Variants in NPHP1 observed in about 807,000 individuals in gnomAD.
NPHP1 encodes nephrocystin 1.
Under a neutral mutation model 90.4 loss-of-function variants are expected in NPHP1, and 70 were observed. The ratio of observed to expected loss-of-function variants is 0.77; its 90% CI spans 0.64 to 0.95. The LOEUF (loss-of-function observed/expected upper bound fraction) is 0.95. NPHP1 is among the 40% of genes least tolerant of loss of function. The pLI is 0.00. For synonymous variants in NPHP1, 256 were observed against 271.7 expected, an observed-to-expected ratio of 0.94 and a Z score of 0.57; for missense variants, 764 against 795.9, an observed-to-expected ratio of 0.96 and a Z score of 0.48.
At chr2:110,146,936 T>C (rs1681097934) in intron 13 of NPHP1, 101 bp from the exon 14 acceptor site, 1 of 825,906 alleles carries the variant, frequency 1.2e-6, no homozygotes, top group South Asian at 1.5e-5. Flanking sequence ...TATTCACCTT[T>C]AGAACTAAAA....
chr2:110,143,825 T>A (rs995741519), intron 15 of NPHP1, 184 bp from the exon 16 acceptor site: 2 of 589,690 alleles, frequency 3.4e-6, no homozygotes, highest in East Asian at 5.9e-5. Flanking sequence ...GTTTGCTAAA[T>A]CACATGAGTT....
At chr2:110,143,761 G>C in intron 15 of NPHP1, 120 bp from the exon 16 acceptor site, 2 of 741,740 alleles carry the variant, frequency 2.7e-6, no homozygotes, top group South Asian at 3.0e-5. Context: ...TGAAAGGCAA[G>C]AGTCATCCAT....
intron 2 of NPHP1, among the ~76,000 whole-genome samples, chr2:110,186,865 A>G (rs2104648936): frequency 6.6e-6 from 1 of 152,272 alleles, no homozygotes; most frequent in African/African-American, 2.4e-5. Context: ...AAAGAAAGAA[A>G]GAAATCCAGT....
rs766700486 is a variant in NPHP1 at position 110,146,769 on chromosome 2, C to T, written c.1336G>A (p.Val446Ile). The change falls in exon 14 of 20, where the codon GTT (valine) becomes ATT (isoleucine). Residue 446 changes from valine (V) to isoleucine (I), a missense_variant. Val to Ile is a conservative substitution (Grantham distance 29). Coordinates refer to ENST00000445609, the MANE Select transcript of NPHP1 (RefSeq NM_001128178.3). ...CCAACTTACTTTGCTGGAATAGGAA[C>T]TCCACTGGCATCAAAAAGTTTAAGA... is the stretch of plus-strand genomic sequence containing the variant. ...VFLKLFDASG[V>I]PIPAKTYELF... 3.7e-6 allele frequency: 6 copies of T among 1,612,136 alleles called. No individual in the cohort carries two copies. Among genetic ancestry groups the T allele is most frequent in the Non-Finnish European group, 4.2e-6 (5 of 1,178,212 alleles).
intron 1 of NPHP1, among the ~76,000 whole-genome samples, chr2:110,203,401 G>A (rs1685703655): frequency 6.6e-6 from 1 of 151,916 alleles, no homozygotes; most frequent in Admixed American, 6.6e-5. Context: ...TGTACCCCCT[G>A]AATCTAAAAT....
In NPHP1 at chr2:110,123,966, G is replaced by C; in HGVS notation, c.1859C>G (p.Ala620Gly). The change falls in exon 20 of 20, where the codon GCA (alanine) becomes GGA (glycine). Residue 620 changes from alanine to glycine, a missense_variant. Transcript: ENST00000445609. ...CCGTGCAGTCTCAGTCTCTTCTTCT[G>C]CCCACCTGAATGGGGGTAGGCGTGT... ...HSTRLPPFRW[A>G]EEETETARWK... The C allele has an allele frequency of 6.2e-7, 1 of 1,614,094 alleles. No individual in the cohort carries two copies. Among genetic ancestry groups the C allele is most frequent in the Non-Finnish European group, 8.5e-7 (1 of 1,179,968 alleles).
intron 2 of NPHP1, among the ~76,000 whole-genome samples, chr2:110,193,231 G>A (rs1684878851): frequency 6.6e-6 from 1 of 152,034 alleles, no homozygotes. Context: ...AAAGAGTCAA[G>A]GCCCATCAGT....
intron 2 of NPHP1, among the ~76,000 whole-genome samples, 157 bp downstream of exon 2, chr2:110,201,264 C>T (rs968848251): frequency 1.1e-4 from 17 of 152,278 alleles, no homozygotes; most frequent in African/African-American, 4.1e-4. Context: ...AGCAAGTCCG[C>T]AACCATCAGG....
rs372638545 is a variant in NPHP1 at position 110,146,785 on chromosome 2, A to C, written c.1320T>G (p.Leu440=). 1.2e-5 allele frequency: 20 copies of C among 1,613,460 alleles called. No individual in the cohort carries two copies. Among genetic ancestry groups the C allele is most frequent in the Non-Finnish European group, 1.5e-5 (18 of 1,179,538 alleles). Residue 440 remains leucine (L), a synonymous_variant, in exon 14 of 20, where the codon CTT becomes CTG. Transcript: ENST00000445609. The part of the protein sequence containing the change: ...ELSCGWVFLK[L]FDASGVPIPA... ...GAATAGGAACTCCACTGGCATCAAA[A>C]AGTTTAAGAAACACCCAGCCACAGC...
intron 2 of NPHP1, 100 bp downstream of exon 2, chr2:110,201,321 T>C: frequency 1.2e-6 from 1 of 813,230 alleles, no homozygotes; most frequent in Non-Finnish European, 2.1e-6. Context: ...TATGTGATTC[T>C]TCCATTTGAT....
intron 5 of NPHP1, 122 bp from the exon 6 acceptor site, chr2:110,168,675 A>G: frequency 1.4e-6 from 1 of 701,544 alleles, no homozygotes; most frequent in Non-Finnish European, 2.5e-6. Context: ...TCCAATATTT[A>G]TCCTAAGGTT....
chr2:110,168,683 G>C (rs1574137499), intron 5 of NPHP1, 130 bp from the exon 6 acceptor site: 1 of 675,016 alleles, frequency 1.5e-6, no homozygotes, highest in Non-Finnish European at 2.6e-6. Context: ...TTATCCTAAG[G>C]TTTATCAAAA....
intron 1 of NPHP1, among the ~76,000 whole-genome samples, chr2:110,203,539 C>T (rs1574221645): frequency 6.6e-6 from 1 of 152,086 alleles, no homozygotes; most frequent in Non-Finnish European, 1.5e-5. Flanking sequence ...TGTTGCACCA[C>T]TGTGATTCCA....
intron 4 of NPHP1, among the ~76,000 whole-genome samples, chr2:110,171,205 T>C (rs1049492247): frequency 1.3e-5 from 2 of 152,180 alleles, no homozygotes; most frequent in African/African-American, 4.8e-5. Context: ...CTTGGGCACG[T>C]CACTAAATCT....
rs1308739947 is a variant in NPHP1 at position 110,136,003 on chromosome 2, C to A, written c.1530-4212G>T. Among the ~76,000 whole-genome samples, 4 of 152,094 alleles carry A rather than the reference C, an allele frequency of 2.6e-5. No homozygotes were observed. In the East Asian group the frequency reaches 7.7e-4, roughly 29 times the overall value. On this transcript the variant is annotated intron_variant, in intron 16 of 19. Transcript: ENST00000445609. ...TCAAGTGGGCTTCATCCCTGGGATG[C>A]AAGACTGGTTCAACATATGCAAATC...
chr2:110,123,882 G>C lies in NPHP1; in HGVS notation c.1943C>G (p.Ala648Gly), dbSNP rs779089046. 5 of 1,613,982 alleles carry C rather than the reference G, an allele frequency of 3.1e-6. No individual in the cohort carries two copies. In the African/African-American group the frequency reaches 6.7e-5, roughly 22 times the overall value. Residue 648 changes from alanine to glycine, a missense_variant, in exon 20 of 20, where the codon GCT becomes GGT. Coordinates refer to ENST00000445609, the MANE Select transcript of NPHP1 (RefSeq NM_001128178.3). ...ATGAACTCCGTCTGGTGACAGCAGA[G>C]CTTGGAGGGCGCCCTGGTTTTCTTG... ...QNQENQGALQ[A>G]LLSPDGVHEP...
chr2:110,175,268 G>GA lies in NPHP1; in HGVS notation c.329+3154dup, dbSNP rs778878656. On this transcript the variant is annotated intron_variant, in intron 4 of 19. Coordinates refer to ENST00000445609, the MANE Select transcript of NPHP1 (RefSeq NM_001128178.3). ...GTGTCTTTCAAAGGCATATAGAAAAGAAAAAATAGGCTTTTATATGTACCC... is the reference window on the plus strand; with the variant it reads ...GTGTCTTTCAAAGGCATATAGAAAAGAAAAAAATAGGCTTTTATATGTACCC... 2.0e-5 allele frequency among the ~76,000 whole-genome samples: 3 copies of GA among 152,068 alleles called. No homozygotes were observed. In the East Asian group the frequency reaches 5.8e-4, roughly 29 times the overall value.
chr2:110,195,758 A>G (rs1385788734), intron 2 of NPHP1, among the ~76,000 whole-genome samples: 2 of 152,180 alleles, frequency 1.3e-5, no homozygotes, highest in Non-Finnish European at 2.9e-5. Context: ...AAACTGTACT[A>G]CAAGGCTACA....
At chr2:110,179,794 T>G (rs1226650156) in intron 2 of NPHP1, 110 bp from the exon 3 acceptor site, 2 of 569,146 alleles carry the variant, frequency 3.5e-6, no homozygotes, top group Non-Finnish European at 6.3e-6. Flanking sequence ...AGCCACTGTA[T>G]GAACAATACT....
Sources: allele counts gnomAD v4.1 joint callset (sites outside exome capture counted in the v4.1 genomes callset), GRCh38; gene constraint gnomAD v4.1.1; transcripts MANE v1.5; gene names NCBI Gene and HGNC (gene_info 2026-07-23, HGNC 2026-07-21).